Variants in BRCA1 observed in about 807,000 individuals in gnomAD.
The protein encoded by BRCA1 is BRCA1 DNA repair associated.
Under a neutral mutation model 173.7 loss-of-function variants are expected in BRCA1, and 140 were observed. The observed-to-expected ratio is 0.81, with a 90% CI of 0.70 to 0.93. BRCA1 has a LOEUF of 0.93. BRCA1 is among the 40% of genes least tolerant of loss of function. The pLI, the probability that BRCA1 is intolerant of heterozygous loss-of-function variation, is 0.00. For synonymous variants in BRCA1, 662 were observed against 756.0 expected, an observed-to-expected ratio of 0.88 and a Z score of 2.04; for missense variants, 1,983 against 2,172.5, an observed-to-expected ratio of 0.91 and a Z score of 1.73.
intron 19 of BRCA1, among the ~76,000 whole-genome samples, chr17:43,053,960 G>A (rs1403749759): frequency 6.0e-5 from 9 of 149,612 alleles, no homozygotes; most frequent in Non-Finnish European, 1.3e-4. Context: ...GAAGAGCAAA[G>A]CTTCGTCTTA....
intron 19 of BRCA1, among the ~76,000 whole-genome samples, chr17:43,055,974 C>G (rs1394880837): frequency 6.6e-6 from 1 of 152,094 alleles, no homozygotes; most frequent in Non-Finnish European, 1.5e-5. Flanking sequence ...AGACTTGGAG[C>G]TAGACTTCCT....
chr17:43,100,665 T>TA (rs1555595324), intron 6 of BRCA1, among the ~76,000 whole-genome samples: 1 of 6,118 alleles, frequency 1.6e-4, no homozygotes, highest in African/African-American at 6.1e-4. Flanking sequence ...AACATATATA[T>TA]ATATATATAT....
At chr17:43,100,654 TAAC>T (rs66792711) in intron 6 of BRCA1, among the ~76,000 whole-genome samples, 3,349 of 42,134 alleles carry the variant, frequency 0.079, 272 homozygotes, top group South Asian at 0.15. Flanking sequence ...AACATATATA[TAAC>T]ATATATATAT....
At chr17:43,170,070 G>A in intron 1 of BRCA1, 2 of 385,370 alleles carry the variant, frequency 5.2e-6, no homozygotes, top group South Asian at 2.0e-5. Context: ...CTGGGAGACG[G>A]AGGCCATAGC....
intron 15 of BRCA1, among the ~76,000 whole-genome samples, 188 bp downstream of exon 15, chr17:43,070,740 T>G (rs2052343651): frequency 6.6e-6 from 1 of 152,246 alleles, no homozygotes; most frequent in South Asian, 2.1e-4. Context: ...ATACATAAAA[T>G]AATCCACACT....
chr17:43,132,350 A>G (rs759202971), intron 1 of BRCA1, among the ~76,000 whole-genome samples: 1 of 152,052 alleles, frequency 6.6e-6, no homozygotes, highest in Non-Finnish European at 1.5e-5. Context: ...CCCCATACTC[A>G]TTGGGTTGCC....
intron 3 of BRCA1, among the ~76,000 whole-genome samples, chr17:43,106,948 G>C (rs1213167871): frequency 6.6e-6 from 1 of 152,048 alleles, no homozygotes; most frequent in Non-Finnish European, 1.5e-5. Flanking sequence ...AGAAAGTGTG[G>C]TAATAGCATA....
intron 9 of BRCA1, 119 bp from the exon 10 acceptor site, chr17:43,094,979 CAT>C: frequency 1.2e-6 from 1 of 823,926 alleles, no homozygotes; most frequent in Non-Finnish European, 1.9e-6. Context: ...AAACTAACCT[CAT>C]AAACTACCAA....
intron 14 of BRCA1, among the ~76,000 whole-genome samples, chr17:43,073,958 T>A (rs1210609657): frequency 6.6e-6 from 1 of 152,080 alleles, no homozygotes. Context: ...GGTTTCACCA[T>A]GTTGGCCAGA....
intron 19 of BRCA1, among the ~76,000 whole-genome samples, chr17:43,053,724 C>CT (rs1312959953): frequency 1.3e-5 from 2 of 151,760 alleles, no homozygotes; most frequent in African/African-American, 4.8e-5. Context: ...AATCCTAGCA[C>CT]TTTGGGAGGC....
At chr17:43,109,715 C>T (rs1274452613) in intron 3 of BRCA1, among the ~76,000 whole-genome samples, 2 of 152,038 alleles carry the variant, frequency 1.3e-5, no homozygotes, top group African/African-American at 2.4e-5. Flanking sequence ...AGCATTACTC[C>T]AGCAAATAGT....
In BRCA1 at chr17:43,074,479, G is replaced by A. The variant is rs886040233; in HGVS notation, c.4527C>T (p.Tyr1509=). The change falls in exon 14 of 23, where the codon TAC becomes TAT. Residue 1509 remains tyrosine, a synonymous_variant. Coordinates refer to ENST00000357654, the MANE Select transcript of BRCA1 (RefSeq NM_007294.4). The part of the protein sequence containing the change: ...SKCPSLDDRW[Y]MHSCSGSLQN... Reference sequence around the variant, plus strand: ...GAAGACTCCCAGAGCAACTGTGCATGTACCACCTATCATCTAATGATGGGC... The same window carrying A: ...GAAGACTCCCAGAGCAACTGTGCATATACCACCTATCATCTAATGATGGGC... 6.2e-7 allele frequency: 1 copy of A among 1,614,142 alleles called. No individual in the cohort carries two copies. Among genetic ancestry groups the A allele is most frequent in the Admixed American group, 1.7e-5 (1 of 60,026 alleles).
chr17:43,068,432 C>G (rs1053874888), intron 15 of BRCA1, among the ~76,000 whole-genome samples: 4 of 151,302 alleles, frequency 2.6e-5, no homozygotes, highest in Admixed American at 6.6e-5. Context: ...TATACTGGGC[C>G]AGACACGGCA....
Position 43,095,970 on chromosome 17 carries a change from T to C in BRCA1, c.594-48A>G, listed in dbSNP as rs747958543. The C allele has an allele frequency of 3.5e-6, 5 of 1,443,488 alleles. No homozygotes were observed. In the South Asian group the frequency reaches 4.6e-5, roughly 13 times the overall value. 89.4% of individuals were successfully genotyped at this position (1,443,488 alleles called of 1,614,324 possible). The stretch of plus-strand genomic sequence containing the variant: ...TAATAAGAAACACTAGTTACATGTA[T>C]GCAGAACTGTCAAATGACCAAGATC... On this transcript the variant is annotated intron_variant, in intron 8 of 22. Coordinates refer to ENST00000357654, the MANE Select transcript of BRCA1 (RefSeq NM_007294.4).
Position 43,090,950 on chromosome 17 carries a change from G to A in BRCA1, c.4179C>T (p.Thr1393=), listed in dbSNP as rs753735698. 2 of 1,609,654 alleles carry A rather than the reference G, an allele frequency of 1.2e-6. No individual in the cohort carries two copies. Among genetic ancestry groups the A allele is most frequent in the Admixed American group, 3.4e-5 (2 of 59,500 alleles). ...ACACACACACGCTTTTTACCTGAGT[G>A]GTTAAAATGTCACTCTGAGAGGATA... is the stretch of plus-strand genomic sequence containing the variant. The part of the protein sequence containing the change: ...SGLSSQSDIL[T]TQQRDTMQHN... The change falls in exon 11 of 23, where the codon ACC becomes ACT. Residue 1393 remains threonine (T), a synonymous_variant. Transcript: ENST00000357654.
chr17:43,158,273 G>GT (rs936629228), intron 1 of BRCA1, among the ~76,000 whole-genome samples: 1 of 152,186 alleles, frequency 6.6e-6, no homozygotes, highest in Admixed American at 6.5e-5. Flanking sequence ...ATTGTCATGA[G>GT]TAAGTTGTGC....
chr17:43,070,977 AC>A lies in BRCA1; in HGVS notation c.4936del (p.Val1646SerfsTer12), dbSNP rs80357653. The A allele has an allele frequency of 3.1e-6, 5 of 1,614,192 alleles. No individual in the cohort carries two copies. The highest frequency in any genetic ancestry group is 2.5e-6 in the Non-Finnish European group (3 of 1,180,032). On this transcript the variant is annotated frameshift_variant, in exon 15 of 23. Transcript: ENST00000357654. LOFTEE classifies it high-confidence loss of function. ...KPELTASTER[V>X]NKRMSMVVSG... ...CACCACCATGGACATTCTTTTGTTG[AC>A]CCTTTCTGTTGAAGCTGTCAATTCT...
chr17:43,125,329 A>G lies in BRCA1; in HGVS notation c.-78T>C. ...GCGCAGGGGCCCAGTTATCTGAGAA[A>G]CCCCACAGCCTGTCCCCCGTCCAGG... On this transcript the variant is annotated 5_prime_UTR_variant, in exon 1 of 23. Transcript: ENST00000357654. The G allele has an allele frequency of 2.2e-6, 1 of 454,486 alleles. No homozygotes were observed. The highest frequency in any genetic ancestry group is 2.0e-5 in the African/African-American group (1 of 50,012). 28.2% of individuals were successfully genotyped at this position (454,486 alleles called of 1,614,324 possible).
chr17:43,066,637 C>T (rs1409691628), intron 16 of BRCA1, among the ~76,000 whole-genome samples: 1 of 151,518 alleles, frequency 6.6e-6, no homozygotes, highest in Non-Finnish European at 1.5e-5. Flanking sequence ...TCTCGAACTC[C>T]TGACCTTGTG....
Sources: allele counts gnomAD v4.1 joint callset (sites outside exome capture counted in the v4.1 genomes callset), GRCh38; gene constraint gnomAD v4.1.1; transcripts MANE v1.5; gene names NCBI Gene and HGNC (gene_info 2026-07-23, HGNC 2026-07-21).